The following PCDHGA1 variants were observed in gnomAD, a reference collection of about 807,000 sequenced individuals.
The protein encoded by PCDHGA1 is protocadherin gamma-A1.
In PCDHGA1, 32 loss-of-function variants were observed where a neutral mutation model predicts 58.0. The observed-to-expected ratio is 0.55, with a 90% confidence interval of 0.42 to 0.74. The LOEUF (loss-of-function observed/expected upper bound fraction) is 0.74. PCDHGA1 is among the 30% of genes least tolerant of loss of function. The probability of loss-of-function intolerance (pLI) is 0.00; values close to 1 mark genes in which losing one functional copy is unlikely to be tolerated. For synonymous variants in PCDHGA1, 498 were observed against 501.1 expected (o/e 0.99, Z 0.08); for missense variants, 1,205 against 1,182.3 (o/e 1.02, Z -0.28).
rs528779386 is a variant in PCDHGA1, at chr5:141,509,416, C to T, written c.2570-1531C>T. Among the ~76,000 whole-genome samples, 4 of 152,258 alleles carry T rather than the reference C, an allele frequency of 2.6e-5. No individual in the cohort carries two copies. In the East Asian group the frequency reaches 7.7e-4, roughly 29 times the overall value. ...TCTCAGGGCCTCCAGCAGCGAGCCCCAATGAGTCAAACTCTTGTTTCCTCC... is the reference window on the plus strand; with the variant it reads ...TCTCAGGGCCTCCAGCAGCGAGCCCTAATGAGTCAAACTCTTGTTTCCTCC... On this transcript the variant is annotated intron_variant, in intron 3 of 3. Transcript: ENST00000517417.
rs146719320 is a variant in PCDHGA1, at chr5:141,444,557, A to T, written c.2422-50250A>T. ...TGTGTCTAGTGAGCAAAAGGCACTTATTTGACACTTTTGACTCTTCCTTTC... is the reference window on the plus strand; with the variant it reads ...TGTGTCTAGTGAGCAAAAGGCACTTTTTTGACACTTTTGACTCTTCCTTTC... On this transcript the variant is annotated intron_variant, in intron 1 of 3. Transcript: ENST00000517417. Among the ~76,000 whole-genome samples, 1,352 of 152,248 alleles carry T rather than the reference A, an allele frequency of 8.9e-3. 18 individuals carry two copies. The highest frequency in any genetic ancestry group is 0.031 in the African/African-American group (1,277 of 41,558).
intron 2 of PCDHGA1, among the ~76,000 whole-genome samples, chr5:141,497,984 C>G (rs2099780951): frequency 6.6e-6 from 1 of 152,194 alleles, no homozygotes; most frequent in South Asian, 2.1e-4. Flanking sequence ...TGGGAGGCCC[C>G]TGCCCTCAAG....
At chr5:141,404,815 G>A in intron 1 of PCDHGA1, 2 of 1,610,532 alleles carry the variant, frequency 1.2e-6, no homozygotes, top group South Asian at 1.1e-5. Flanking sequence ...CGGTGGGGCT[G>A]CACACAGGTG....
chr5:141,350,752 G>C, intron 1 of PCDHGA1: 1 of 1,613,936 alleles, frequency 6.2e-7, no homozygotes, highest in Non-Finnish European at 8.5e-7. Flanking sequence ...GCAATTCACT[G>C]AAGTTATACA....
At chr5:141,374,684 G>A in intron 1 of PCDHGA1, 1 of 1,609,636 alleles carries the variant, frequency 6.2e-7, no homozygotes, top group Non-Finnish European at 8.5e-7. Flanking sequence ...GGGCACACTG[G>A]ACCGGGAAGG....
intron 1 of PCDHGA1, among the ~76,000 whole-genome samples, chr5:141,437,588 A>G (rs1399641711): frequency 6.6e-6 from 1 of 152,134 alleles, no homozygotes; most frequent in African/African-American, 2.4e-5. Context: ...CATGAATTGG[A>G]TAGTTCTGGT....
chr5:141,384,986 C>T (rs867210871), intron 1 of PCDHGA1: 11 of 1,613,988 alleles, frequency 6.8e-6, no homozygotes, highest in Middle Eastern at 1.6e-4. Flanking sequence ...CTGGTGGTGG[C>T]GGTGGCCACA....
intron 1 of PCDHGA1, chr5:141,409,940 C>G: frequency 6.2e-7 from 1 of 1,613,236 alleles, no homozygotes. Flanking sequence ...TATGGTACCT[C>G]GCTCTGCAGA....
chr5:141,478,718 C>T, intron 1 of PCDHGA1: 1 of 1,544,994 alleles, frequency 6.5e-7, no homozygotes, highest in East Asian at 2.4e-5. Context: ...AGATGGTGGC[C>T]TGCCAGAGTG....
chr5:141,421,572 G>T, intron 1 of PCDHGA1: 1 of 1,613,954 alleles, frequency 6.2e-7, no homozygotes, highest in Admixed American at 1.7e-5. Flanking sequence ...AAGACACCTT[G>T]AAGATTTACG....
At position 141,436,288 on chromosome 5, in the gene PCDHGA1, C is replaced by T. The variant is rs533281663; in HGVS notation, c.2422-58519C>T. On this transcript the variant is annotated intron_variant, in intron 1 of 3. Coordinates refer to ENST00000517417, the MANE Select transcript of PCDHGA1 (RefSeq NM_018912.3). ...CACCTAACTTGATTTAGGAACAAATCATTGAGAGTTAGAGCATGAATAGTC... is the reference window on the plus strand; with the variant it reads ...CACCTAACTTGATTTAGGAACAAATTATTGAGAGTTAGAGCATGAATAGTC... 3.9e-3 allele frequency among the ~76,000 whole-genome samples: 590 copies of T among 152,274 alleles called. 9 individuals are homozygous for T. Among genetic ancestry groups the T allele is most frequent in the Middle Eastern group, 0.01 (3 of 294 alleles).
At chr5:141,470,485 GAAT>G (rs2099231720) in intron 1 of PCDHGA1, among the ~76,000 whole-genome samples, 1 of 152,074 alleles carries the variant, frequency 6.6e-6, no homozygotes, top group Admixed American at 6.6e-5. Context: ...AACCCTCTGG[GAAT>G]AATATTAGGT....
At position 141,491,645 on chromosome 5, in the gene PCDHGA1, C is replaced by T; in HGVS notation, c.2422-3162C>T. On this transcript the variant is annotated intron_variant, in intron 1 of 3. Transcript: ENST00000517417. The surrounding 1 kb of genome is among the most constrained non-coding windows in gnomAD (Gnocchi z 6.9). ...AGCGTTCAGCAGCCCACAGCTCTGG[C>T]GCTGGAGCCTGACGCCATCCGGTCC... 1.2e-6 allele frequency: 2 copies of T among 1,613,890 alleles called. No homozygotes were observed. Among genetic ancestry groups the T allele is most frequent in the African/African-American group, 1.3e-5 (1 of 75,082 alleles).
Position 141,490,162 on chromosome 5 carries a change from A to C in PCDHGA1, c.2422-4645A>C. ...TGGGGCAATCCATGTGTTGGGTCCC[A>C]TAGACTTTGAGGAGTCACGTTTCTA... On this transcript the variant is annotated intron_variant, in intron 1 of 3. Coordinates refer to ENST00000517417, the MANE Select transcript of PCDHGA1 (RefSeq NM_018912.3). The surrounding 1 kb of genome is among the most constrained non-coding windows in gnomAD (Gnocchi z 5.4). The C allele has an allele frequency of 6.2e-7, 1 of 1,614,218 alleles. No individual in the cohort carries two copies. The highest frequency in any genetic ancestry group is 8.5e-7 in the Non-Finnish European group (1 of 1,180,028).
intron 1 of PCDHGA1, chr5:141,374,743 T>A: frequency 6.2e-7 from 1 of 1,611,970 alleles, no homozygotes; most frequent in Non-Finnish European, 8.5e-7. Context: ...GCGGCGACCC[T>A]GTCCGCTCAA....
chr5:141,449,078 C>T (rs1342751417), intron 1 of PCDHGA1, among the ~76,000 whole-genome samples: 1 of 152,052 alleles, frequency 6.6e-6, no homozygotes, highest in Non-Finnish European at 1.5e-5. Flanking sequence ...AGCCCTGTAC[C>T]TACATCAGTT....
intron 1 of PCDHGA1, chr5:141,365,444 C>T (rs771471249): frequency 3.7e-6 from 6 of 1,613,872 alleles, no homozygotes; most frequent in South Asian, 2.2e-5. Context: ...GTTTAGCGTA[C>T]ATGATGGTGA....
chr5:141,375,818 C>A, intron 1 of PCDHGA1: 2 of 1,614,200 alleles, frequency 1.2e-6, no homozygotes, highest in Non-Finnish European at 1.7e-6. Flanking sequence ...GGAGCTGGCG[C>A]CCCGCTCCGC....
chr5:141,458,594 G>A (rs1226490392), intron 1 of PCDHGA1, among the ~76,000 whole-genome samples: 2 of 151,612 alleles, frequency 1.3e-5, no homozygotes, highest in South Asian at 2.1e-4. Flanking sequence ...TTTTGGAGAC[G>A]AGTCTCACTC....
Sources: gnomAD v4.1 joint callset for allele counts (sites outside exome capture counted in the v4.1 genomes callset) on GRCh38, gnomAD v4.1.1 for gene constraint, Gnocchi (gnomAD v3.1) non-coding constraint, MANE v1.5 for transcripts, NCBI Gene and HGNC (gene_info 2026-07-23, HGNC 2026-07-21) for gene names.